Variants in CYP26C1 observed in about 807,000 individuals in gnomAD.
CYP26C1 encodes the protein cytochrome P450 26C1.
In CYP26C1, 41 loss-of-function variants were observed where a neutral mutation model predicts 39.1. The ratio of observed to expected loss-of-function variants is 1.05; its 90% CI spans 0.82 to 1.36. The LOEUF is 1.36. Among genes scored for constraint, CYP26C1 ranks in the 40% most tolerant of loss-of-function variants. The probability of loss-of-function intolerance (pLI) is 0.00; values close to 1 mark genes in which losing one functional copy is unlikely to be tolerated. For missense variants in CYP26C1, 833 were observed against 752.0 expected, an observed-to-expected ratio of 1.11 and a Z score of -1.26; for synonymous variants, 362 against 350.8, an observed-to-expected ratio of 1.03 and a Z score of -0.36.
rs765199686 is a variant in CYP26C1 at position 93,065,997 on chromosome 10, G to A, written c.903G>A (p.Thr301=). Residue 301 remains threonine, a synonymous_variant, in exon 5 of 6, where the codon ACG becomes ACA. Transcript: ENST00000651965. ...VELLFAAFFT[T]ASASTSLVLL... is the part of the protein sequence containing the mutation. ...TCCTCTTCGCCGCCTTCTTCACCAC[G>A]GCCAGTGCCAGCACCTCGCTCGTCC... 3.2e-6 allele frequency: 5 copies of A among 1,583,920 alleles called. No homozygotes were observed. Among genetic ancestry groups the A allele is most frequent in the Middle Eastern group, 1.7e-4 (1 of 5,768 alleles).
Position 93,062,858 on chromosome 10 carries a change from T to C in CYP26C1, c.568T>C (p.Phe190Leu). 1 of 1,601,122 alleles carries C rather than the reference T, an allele frequency of 6.2e-7. No individual in the cohort carries two copies. The highest frequency in any genetic ancestry group is 8.5e-7 in the Non-Finnish European group (1 of 1,178,380). Residue 190 changes from phenylalanine to leucine, a missense_variant, in exon 3 of 6, where the codon TTC (phenylalanine) becomes CTC (leucine). Transcript: ENST00000651965. Reference sequence around the variant, plus strand: ...CTACGACGCCTCCAAAGCGCTCACCTTCCGCATGGCCGCGCGCATCCTGCT... The same window carrying C: ...CTACGACGCCTCCAAAGCGCTCACCCTCCGCATGGCCGCGCGCATCCTGCT... ...SVYDASKALT[F>L]RMAARILLGL...
rs1488630070 is a variant in CYP26C1, at chr10:93,061,481, C to T, written c.204+14C>T. 4 of 1,548,826 alleles carry T rather than the reference C, an allele frequency of 2.6e-6. No individual in the cohort carries two copies. The highest frequency in any genetic ancestry group is 2.4e-5 in the South Asian group (2 of 83,988). On this transcript the variant is annotated intron_variant, in intron 1 of 5. Transcript: ENST00000651965. ...TGGTTAGTTCAGGTGAGCAGTCCTT[C>T]GACCCCGAGCGCTAATACGGTCCCT...
Position 93,062,970 on chromosome 10 carries a change from A to G in CYP26C1, c.680A>G (p.Asp227Gly). The change falls in exon 3 of 6, where the codon GAC (aspartate) becomes GGC (glycine). Residue 227 changes from aspartate (D) to glycine (G), a missense_variant. Coordinates refer to ENST00000651965, the MANE Select transcript of CYP26C1 (RefSeq NM_183374.3). The stretch of plus-strand genomic sequence containing the variant: ...GAGAACCTCTTCTCACTGCCTCTGG[A>G]CGTTCCCTTCAGTGGCCTACGCAAG... ...LVENLFSLPL[D>G]VPFSGLRKGI... is the part of the protein sequence containing the mutation. The G allele has an allele frequency of 6.3e-7, 1 of 1,597,410 alleles. No individual in the cohort carries two copies. The highest frequency in any genetic ancestry group is 8.5e-7 in the Non-Finnish European group (1 of 1,175,482).
Position 93,062,171 on chromosome 10 carries a change from C to T in CYP26C1, c.366C>T (p.His122=). Residue 122 remains histidine, a synonymous_variant, in exon 2 of 6, where the codon CAC becomes CAT. Coordinates refer to ENST00000651965, the MANE Select transcript of CYP26C1 (RefSeq NM_183374.3). ...LVRSQWPQSA[H]ILLGSHTLLG... ...GCAGCCAGTGGCCGCAGAGTGCGCA[C>T]ATCCTGCTGGGCTCGCACACACTGC... The T allele has an allele frequency of 1.3e-6, 2 of 1,538,616 alleles. No individual in the cohort carries two copies. Among genetic ancestry groups the T allele is most frequent in the East Asian group, 2.4e-5 (1 of 40,896 alleles).
Position 93,061,019 on chromosome 10 carries a change from A to G in CYP26C1, c.-245A>G. The G allele has an allele frequency of 2.0e-6, 1 of 506,974 alleles. No individual in the cohort carries two copies. The highest frequency in any genetic ancestry group is 3.4e-6 in the Non-Finnish European group (1 of 292,184). The allele number at this position is 506,974 out of a possible 1,614,324, so 31.4% of individuals were successfully genotyped here. On this transcript the variant is annotated 5_prime_UTR_variant, in exon 1 of 6. Transcript: ENST00000651965. The stretch of plus-strand genomic sequence containing the variant: ...GCATTTGGGCCCAGGAGCCAGGAAA[A>G]AGTCCTGAGCGTGCCGGCCTCGAGG...
At chr10:93,063,953 G>A (rs530449563) in intron 3 of CYP26C1, 2 of 994,574 alleles carry the variant, frequency 2.0e-6, no homozygotes, top group South Asian at 4.6e-5. Flanking sequence ...AAATCCAATA[G>A]TGTCCTCTAA....
rs1018319743 is a variant in CYP26C1, at chr10:93,066,120, T to G, written c.1026T>G (p.Ala342=). ...CGTGCGGCTGCGCGCCCGGGGCCGC[T>G]GGGGGCAGCGAGGGGCCCCCGCCCG... ...GRACGCAPGA[A]GGSEGPPPDC... The change falls in exon 5 of 6, where the codon GCT becomes GCG. Residue 342 remains alanine (A), a synonymous_variant. Transcript: ENST00000651965. 1 of 1,327,930 alleles carries G rather than the reference T, an allele frequency of 7.5e-7. No individual in the cohort carries two copies. The highest frequency in any genetic ancestry group is 9.6e-7 in the Non-Finnish European group (1 of 1,045,158). 82.3% of individuals were successfully genotyped at this position (1,327,930 alleles called of 1,614,324 possible). A position where few individuals can be genotyped will look rare whatever the true frequency, so the allele number is the denominator to read the frequency against.
chr10:93,067,833 G>A (rs904145014), intron 5 of CYP26C1, among the ~76,000 whole-genome samples: 11 of 152,178 alleles, frequency 7.2e-5, no homozygotes, highest in Non-Finnish European at 1.3e-4. Context: ...TGGGAAGGAT[G>A]GCAAGTTTTC....
chr10:93,066,175 G>A lies in CYP26C1; in HGVS notation c.1081G>A (p.Ala361Thr). Residue 361 changes from alanine to threonine, a missense_variant, in exon 5 of 6, where the codon GCG becomes ACG. Physicochemically the swap from Ala to Thr is moderately conservative, Grantham distance 58. Coordinates refer to ENST00000651965, the MANE Select transcript of CYP26C1 (RefSeq NM_183374.3). ...CGGCTGCGAGCCCGACCTCAGCCTC[G>A]CGGCGCTGGGCCGTCTGCGCTACGT... ...DCGCEPDLSL[A>T]ALGRLRYVDC... 4 of 1,442,222 alleles carry A rather than the reference G, an allele frequency of 2.8e-6. No individual in the cohort carries two copies. Among genetic ancestry groups the A allele is most frequent in the Non-Finnish European group, 3.6e-6 (4 of 1,098,040 alleles). The allele number at this position is 1,442,222 out of a possible 1,614,324, so 89.3% of individuals were successfully genotyped here.
chr10:93,064,552 C>T lies in CYP26C1; in HGVS notation c.861+16C>T, dbSNP rs182783965. 2.0e-3 allele frequency: 3,253 copies of T among 1,605,040 alleles called. 36 individuals are homozygous for T. The highest frequency in any genetic ancestry group is 0.014 in the Middle Eastern group (82 of 5,992). On this transcript the variant is annotated intron_variant, in intron 4 of 5. Transcript: ENST00000651965. ...GGAGCTGAAGGTAGGTGCTGACAGG[C>T]CGCTCCTTCTCCCCTCTTTTGCATT...
At chr10:93,068,168 G>A (rs1437677565) in intron 5 of CYP26C1, 152 bp from the exon 6 acceptor site, 1 of 927,032 alleles carries the variant, frequency 1.1e-6, no homozygotes, top group Non-Finnish European at 1.5e-6. Context: ...AGTTGAGATT[G>A]GAACACAGAG....
chr10:93,061,321 C>T lies in CYP26C1; in HGVS notation c.58C>T (p.Leu20=), dbSNP rs1317116238. ...SVLGAAGTAL[L]CAGLLLSLAQ... ...GCTGGGGGCGGCGGGCACTGCTCTC[C>T]TGTGCGCGGGCCTGCTGCTCAGCCT... The change falls in exon 1 of 6, where the codon CTG becomes TTG. Residue 20 remains leucine (L), a synonymous_variant. Coordinates refer to ENST00000651965, the MANE Select transcript of CYP26C1 (RefSeq NM_183374.3). 23 of 1,596,382 alleles carry T rather than the reference C, an allele frequency of 1.4e-5. No individual in the cohort carries two copies. The highest frequency in any genetic ancestry group is 1.1e-4 in the East Asian group (5 of 44,166).
At chr10:93,066,996 GT>G in intron 5 of CYP26C1, among the ~76,000 whole-genome samples, 1 of 152,374 alleles carries the variant, frequency 6.6e-6, no homozygotes, top group South Asian at 2.1e-4. Flanking sequence ...TCAGGCAGTG[GT>G]GCTCTGGCTG....
At chr10:93,064,064 T>C (rs1183689866) in intron 3 of CYP26C1, 8 of 1,136,624 alleles carry the variant, frequency 7.0e-6, no homozygotes, top group South Asian at 2.6e-5. Context: ...GTGCCAGGCA[T>C]GGACATGGAC....
chr10:93,066,291 T>G lies in CYP26C1; in HGVS notation c.1191+6T>G. ...TGCGCACCTTCGAGCTCGACGTAAG[T>G]GCGCCGTGCCAGCCCATGGCCAGCC... On this transcript the variant is annotated splice_donor_region_variant and intron_variant, in intron 5 of 5. Transcript: ENST00000651965. The G allele has an allele frequency of 7.3e-7, 1 of 1,364,058 alleles. No individual in the cohort carries two copies. The highest frequency in any genetic ancestry group is 2.9e-5 in the East Asian group (1 of 35,014). 84.5% of individuals were successfully genotyped at this position (1,364,058 alleles called of 1,614,324 possible).
chr10:93,062,017 G>T lies in CYP26C1; in HGVS notation c.212G>T (p.Arg71Leu). Residue 71 changes from arginine (R) to leucine (L), a missense_variant, in exon 2 of 6, where the codon CGC (arginine) becomes CTC (leucine). Transcript: ENST00000651965. Reference sequence around the variant, plus strand: ...CCTCCGCCTCGCCCGCAGGGCTCGCGCTTCCACAGTTCTCGCCGAGAGCGC... The same window carrying T: ...CCTCCGCCTCGCCCGCAGGGCTCGCTCTTCCACAGTTCTCGCCGAGAGCGC... Reference protein sequence around the residue: ...ETLHWLVQGSRFHSSRRERYG... With the variant: ...ETLHWLVQGSLFHSSRRERYG... 6.4e-7 allele frequency: 1 copy of T among 1,562,888 alleles called. No homozygotes were observed. The highest frequency in any genetic ancestry group is 8.7e-7 in the Non-Finnish European group (1 of 1,153,918).
In CYP26C1 at chr10:93,061,294, G is replaced by C. The variant is rs1846743796; in HGVS notation, c.31G>C (p.Val11Leu). 1.9e-6 allele frequency: 3 copies of C among 1,594,442 alleles called. No homozygotes were observed. The highest frequency in any genetic ancestry group is 2.6e-6 in the Non-Finnish European group (3 of 1,171,824). Residue 11 changes from valine to leucine, a missense_variant, in exon 1 of 6, where the codon GTG (valine) becomes CTG (leucine). By Grantham distance (32) the Val-to-Leu change is conservative (BLOSUM62 1). Transcript: ENST00000651965. MFPWGLSCLS[V>L]LGAAGTALLC... Reference sequence around the variant, plus strand: ...CCCTTGGGGGCTGAGCTGCCTGTCAGTGCTGGGGGCGGCGGGCACTGCTCT... The same window carrying C: ...CCCTTGGGGGCTGAGCTGCCTGTCACTGCTGGGGGCGGCGGGCACTGCTCT...
Position 93,062,072 on chromosome 10 carries a change from G to T in CYP26C1, c.267G>T (p.Leu89=). The T allele has an allele frequency of 6.3e-7, 1 of 1,580,314 alleles. No homozygotes were observed. The stretch of plus-strand genomic sequence containing the variant: ...GGACAGTGTTCAAGACGCACCTGCT[G>T]GGCAGGCCAGTGATCCGCGTGAGCG... ...RYGTVFKTHL[L]GRPVIRVSGA... The change falls in exon 2 of 6, where the codon CTG becomes CTT. Residue 89 remains leucine (L), a synonymous_variant. Coordinates refer to ENST00000651965, the MANE Select transcript of CYP26C1 (RefSeq NM_183374.3).
Position 93,068,566 on chromosome 10 carries a change from G to T in CYP26C1, c.1438G>T (p.Ala480Ser). The change falls in exon 6 of 6, where the codon GCG (alanine) becomes TCG (serine). Residue 480 changes from alanine (A) to serine (S), a missense_variant. By Grantham distance (99) the Ala-to-Ser change is moderately conservative. Coordinates refer to ENST00000651965, the MANE Select transcript of CYP26C1 (RefSeq NM_183374.3). ...GCTAGCTGTGGAGCTAGTGCGCACC[G>T]CGCGCTGGGAACTGGCCACACCCGC... is the stretch of plus-strand genomic sequence containing the variant. ...QLLAVELVRT[A>S]RWELATPAFP... The T allele has an allele frequency of 6.3e-7, 1 of 1,592,664 alleles. No individual in the cohort carries two copies. The highest frequency in any genetic ancestry group is 8.5e-7 in the Non-Finnish European group (1 of 1,170,244).
Sources: gnomAD v4.1 joint callset for allele counts (sites outside exome capture counted in the v4.1 genomes callset) on GRCh38, gnomAD v4.1.1 for gene constraint, MANE v1.5 for transcripts, NCBI Gene and HGNC (gene_info 2026-07-23, HGNC 2026-07-21) for gene names.